The following GPBP1 variants were observed in gnomAD, a reference collection of about 807,000 sequenced individuals.
GPBP1 encodes the protein vasculin.
In GPBP1, 13 loss-of-function variants were observed where a neutral mutation model predicts 56.5. The ratio of observed to expected loss-of-function variants is 0.23; its 90% CI spans 0.15 to 0.37. GPBP1 has a LOEUF of 0.37. GPBP1 is among the 10% of genes least tolerant of loss of function. The pLI, the probability that GPBP1 is intolerant of heterozygous loss-of-function variation, is 1.00. For synonymous variants in GPBP1, 204 were observed against 188.9 expected (o/e 1.08, Z -0.66); for missense variants, 477 against 572.3 (o/e 0.83, Z 1.70).
At position 57,251,211 on chromosome 5, in the gene GPBP1, C is replaced by T. The variant is rs1365041768; in HGVS notation, c.1160+70C>T. 6 of 1,301,760 alleles carry T rather than the reference C, an allele frequency of 4.6e-6. No individual in the cohort carries two copies. In the East Asian group the frequency reaches 7.1e-5, roughly 16 times the overall value. The allele number at this position is 1,301,760 out of a possible 1,614,324, so 80.6% of individuals were successfully genotyped here. On this transcript the variant is annotated intron_variant, in intron 10 of 11. Transcript: ENST00000506184. Reference sequence around the variant, plus strand: ...AGATTTCAATATTATAGAGTTTTTACGTGATTTAACAGGTTTATTGGAATA... The same window carrying T: ...AGATTTCAATATTATAGAGTTTTTATGTGATTTAACAGGTTTATTGGAATA...
At chr5:57,197,652 C>G (rs1754826115) in intron 2 of GPBP1, among the ~76,000 whole-genome samples, 2 of 151,838 alleles carry the variant, frequency 1.3e-5, no homozygotes, top group African/African-American at 2.4e-5. Context: ...AGCCATTGCG[C>G]CTGGCCTGCT....
At chr5:57,178,663 A>T (rs1396400348) in intron 2 of GPBP1, among the ~76,000 whole-genome samples, 2 of 152,262 alleles carry the variant, frequency 1.3e-5, no homozygotes, top group Non-Finnish European at 2.9e-5. Context: ...AATAGTCTAT[A>T]ACATTTGTCA....
chr5:57,205,707 G>A (rs1580003740), intron 2 of GPBP1, among the ~76,000 whole-genome samples: 1 of 151,112 alleles, frequency 6.6e-6, no homozygotes, highest in South Asian at 2.1e-4. Context: ...TTGGCCAGTT[G>A]TTTATCTTCT....
chr5:57,191,908 CTT>C (rs1463988137), intron 2 of GPBP1, among the ~76,000 whole-genome samples: 3 of 152,152 alleles, frequency 2.0e-5, no homozygotes, highest in Non-Finnish European at 2.9e-5. Flanking sequence ...GAATTTAAGA[CTT>C]ATCATTTTTC....
At chr5:57,238,378 G>A (rs1391656806) in intron 6 of GPBP1, among the ~76,000 whole-genome samples, 2 of 152,104 alleles carry the variant, frequency 1.3e-5, no homozygotes, top group Admixed American at 6.6e-5. Context: ...GACCAACATG[G>A]AGAAACCCCA....
At chr5:57,256,777 T>C (rs1319960034) in intron 10 of GPBP1, among the ~76,000 whole-genome samples, 1 of 152,080 alleles carries the variant, frequency 6.6e-6, no homozygotes, top group Non-Finnish European at 1.5e-5. Flanking sequence ...AATTTCTTAG[T>C]TTGAGTTTCC....
intron 3 of GPBP1, among the ~76,000 whole-genome samples, chr5:57,227,461 C>G (rs575002794): frequency 6.6e-6 from 1 of 152,082 alleles, no homozygotes; most frequent in Admixed American, 6.6e-5. Flanking sequence ...CCCAAATTGC[C>G]GGGATTATGG....
chr5:57,184,614 G>C (rs1347331976), intron 2 of GPBP1, among the ~76,000 whole-genome samples: 1 of 152,154 alleles, frequency 6.6e-6, no homozygotes, highest in Non-Finnish European at 1.5e-5. Flanking sequence ...CCTGGCACTA[G>C]GTGCCGCCTT....
intron 10 of GPBP1, among the ~76,000 whole-genome samples, chr5:57,257,978 A>G (rs1162545731): frequency 1.3e-5 from 2 of 152,206 alleles, no homozygotes; most frequent in Non-Finnish European, 2.9e-5. Context: ...GAGATGTCTT[A>G]TACTTGGTTT....
At chr5:57,196,846 A>T (rs551022892) in intron 2 of GPBP1, among the ~76,000 whole-genome samples, 2 of 151,860 alleles carry the variant, frequency 1.3e-5, no homozygotes, top group Admixed American at 6.6e-5. Flanking sequence ...CAGTGGCACG[A>T]TCTTGGCTCA....
In GPBP1 at chr5:57,214,125, A is replaced by G; in HGVS notation, c.-6A>G. On this transcript the variant is annotated 5_prime_UTR_variant, in exon 3 of 12. Transcript: ENST00000506184. ...TGTTTCACTGAGTTGGAGAGACTGG[A>G]CCTAAATGGCGCAGCATGACTTTGC... The G allele has an allele frequency of 6.2e-7, 1 of 1,613,132 alleles. No individual in the cohort carries two copies. Among genetic ancestry groups the G allele is most frequent in the Non-Finnish European group, 8.5e-7 (1 of 1,179,132 alleles).
chr5:57,224,076 G>T (rs373141549), intron 3 of GPBP1, among the ~76,000 whole-genome samples: 2 of 151,106 alleles, frequency 1.3e-5, no homozygotes, highest in East Asian at 3.9e-4. Context: ...CTCATGATCC[G>T]CCCGCCTCGG....
At chr5:57,221,346 A>C (rs551595104) in intron 3 of GPBP1, 10 of 1,505,936 alleles carry the variant, frequency 6.6e-6, no homozygotes, top group Non-Finnish European at 7.2e-6. Context: ...AATAATGCCA[A>C]TTGTGACTGA....
At chr5:57,236,093 T>C in intron 6 of GPBP1, 61 bp downstream of exon 6, 3 of 1,121,698 alleles carry the variant, frequency 2.7e-6, no homozygotes, top group Non-Finnish European at 4.0e-6. Context: ...AGGTTTCACT[T>C]TTTGTGTTTT....
At chr5:57,229,907 T>G (rs1023618932) in intron 3 of GPBP1, among the ~76,000 whole-genome samples, 2 of 143,800 alleles carry the variant, frequency 1.4e-5, no homozygotes, top group Admixed American at 7.2e-5. Context: ...TTGTTAAAAT[T>G]TTCCCTTCCC....
At chr5:57,231,056 C>G in intron 4 of GPBP1, 42 bp from the exon 5 acceptor site, 1 of 1,587,884 alleles carries the variant, frequency 6.3e-7, no homozygotes, top group South Asian at 1.1e-5. Context: ...CTTTAAGCTT[C>G]TCTTCTTTGA....
intron 10 of GPBP1, among the ~76,000 whole-genome samples, chr5:57,257,112 C>G (rs1400498369): frequency 6.6e-6 from 1 of 151,918 alleles, no homozygotes; most frequent in African/African-American, 2.4e-5. Context: ...CTGCTCACTG[C>G]AACCTCCACC....
intron 2 of GPBP1, among the ~76,000 whole-genome samples, chr5:57,213,471 CTTTTT>C (rs138933215): frequency 6.9e-6 from 1 of 144,882 alleles, no homozygotes; most frequent in African/African-American, 2.5e-5. Flanking sequence ...TCATAATTTT[CTTTTT>C]TTTTTTTTAA....
Position 57,251,087 on chromosome 5 carries a change from C to G in GPBP1, c.1106C>G (p.Ser369Cys). 1 of 1,612,816 alleles carries G rather than the reference C, an allele frequency of 6.2e-7. No individual in the cohort carries two copies. The highest frequency in any genetic ancestry group is 8.5e-7 in the Non-Finnish European group (1 of 1,179,642). Residue 369 changes from serine (S) to cysteine (C), a missense_variant, in exon 10 of 12, where the codon TCT becomes TGT. Physicochemically the swap from Ser to Cys is moderately radical, Grantham distance 112. Around this residue, in one of 2 missense-constraint regions of GPBP1, gnomAD observed 414 missense variants for 458.2 expected, o/e 0.90. Coordinates refer to ENST00000506184, the MANE Select transcript of GPBP1 (RefSeq NM_022913.4). Reference sequence around the variant, plus strand: ...GTGATTTCCCAGCAGATCATTCGGTCTTCAACCTTCCCACAAACTGATGTT... The same window carrying G: ...GTGATTTCCCAGCAGATCATTCGGTGTTCAACCTTCCCACAAACTGATGTT... Reference protein sequence around the residue: ...ASVISQQIIRSSTFPQTDVLS... With the variant: ...ASVISQQIIRCSTFPQTDVLS...
Sources: gnomAD v4.1 joint callset for allele counts (sites outside exome capture counted in the v4.1 genomes callset) on GRCh38, gnomAD v4.1.1 for gene constraint, gnomAD v4.1.1 regional missense constraint, MANE v1.5 for transcripts, NCBI Gene and HGNC (gene_info 2026-07-23, HGNC 2026-07-21) for gene names.